BBX: variants seen among roughly 807,000 people sequenced by gnomAD.
BBX encodes HMG box transcription factor BBX.
Under a neutral mutation model 100.2 loss-of-function variants are expected in BBX, and 30 were observed. That is an observed-to-expected ratio of 0.30 (90% CI 0.22 to 0.41). BBX has a LOEUF of 0.41. Ranked by LOEUF, BBX falls within the 10% of genes least tolerant of loss-of-function variation. The pLI is 1.00. For synonymous variants in BBX, 376 were observed against 388.1 expected, an observed-to-expected ratio of 0.97 and a Z score of 0.37; for missense variants, 1,023 against 1,129.8, an observed-to-expected ratio of 0.91 and a Z score of 1.35.
Position 107,806,033 on chromosome 3 carries a change from C to T in BBX, c.*576C>T, listed in dbSNP as rs1047734574. On this transcript the variant is annotated 3_prime_UTR_variant, in exon 18 of 18. Transcript: ENST00000325805. Reference sequence around the variant, plus strand: ...CAAGCAGCCTGGGCAGGCAGATGTACCATTGTTAGTGGTGTATGCTCGGCC... The same window carrying T: ...CAAGCAGCCTGGGCAGGCAGATGTATCATTGTTAGTGGTGTATGCTCGGCC... 3 of 151,512 alleles carry T rather than the reference C, an allele frequency of 2.0e-5. No individual in the cohort carries two copies. The highest frequency in any genetic ancestry group is 1.9e-4 in the East Asian group (1 of 5,152). 9.4% of individuals were successfully genotyped at this position (151,512 alleles called of 1,614,324 possible). A position where few individuals can be genotyped will look rare whatever the true frequency, so the allele number is the denominator to read the frequency against.
chr3:107,591,484 A>G (rs150918769), intron 2 of BBX, among the ~76,000 whole-genome samples: 2 of 152,120 alleles, frequency 1.3e-5, no homozygotes, highest in Non-Finnish European at 2.9e-5. Context: ...GAGATATTTT[A>G]TGTTGTGTTA....
chr3:107,722,557 T>C (rs1188133469), intron 5 of BBX, among the ~76,000 whole-genome samples: 1 of 151,996 alleles, frequency 6.6e-6, no homozygotes, highest in Non-Finnish European at 1.5e-5. Context: ...CTTTCAAATT[T>C]TCATTTATGA....
At chr3:107,682,632 T>A (rs1392800338) in intron 3 of BBX, among the ~76,000 whole-genome samples, 2 of 152,130 alleles carry the variant, frequency 1.3e-5, no homozygotes, top group African/African-American at 4.8e-5. Context: ...AATAGAAATT[T>A]AAAGTTCATT....
intron 2 of BBX, among the ~76,000 whole-genome samples, chr3:107,642,649 C>G (rs1292555882): frequency 6.6e-6 from 1 of 152,162 alleles, no homozygotes; most frequent in Non-Finnish European, 1.5e-5. Context: ...TACCTCCCCC[C>G]TTTTTAAGGT....
intron 1 of BBX, among the ~76,000 whole-genome samples, chr3:107,525,085 C>T (rs1251066305): frequency 6.7e-6 from 1 of 149,800 alleles, no homozygotes; most frequent in Non-Finnish European, 1.5e-5. Flanking sequence ...CCCGCCCCTG[C>T]GCGCCGCCGC....
intron 2 of BBX, among the ~76,000 whole-genome samples, chr3:107,532,019 C>T (rs1178063065): frequency 6.6e-6 from 1 of 151,940 alleles, no homozygotes; most frequent in Non-Finnish European, 1.5e-5. Context: ...ATAGTGAGAC[C>T]TTGCCTGTAC....
intron 8 of BBX, among the ~76,000 whole-genome samples, chr3:107,745,376 G>A (rs547257366): frequency 6.6e-6 from 1 of 152,138 alleles, no homozygotes; most frequent in South Asian, 2.1e-4. Context: ...CATTTGAATT[G>A]TCTTTGACTA....
chr3:107,749,993 G>T (rs983597425), intron 9 of BBX, among the ~76,000 whole-genome samples: 2 of 152,112 alleles, frequency 1.3e-5, no homozygotes, highest in Admixed American at 1.3e-4. Flanking sequence ...AAGCACTGGG[G>T]ACAGCTCTAA....
chr3:107,666,587 G>A (rs1414626926), intron 3 of BBX, among the ~76,000 whole-genome samples: 1 of 152,104 alleles, frequency 6.6e-6, no homozygotes, highest in African/African-American at 2.4e-5. Context: ...TTTTTTTTGA[G>A]ACGGAGTCTC....
At chr3:107,561,638 G>T (rs1473764832) in intron 2 of BBX, among the ~76,000 whole-genome samples, 1 of 152,000 alleles carries the variant, frequency 6.6e-6, no homozygotes, top group Admixed American at 6.6e-5. Flanking sequence ...TATATCATCC[G>T]TATATATTTT....
In BBX at chr3:107,773,337, C is replaced by T. The variant is rs1411356785; in HGVS notation, c.1616C>T (p.Ser539Leu). 1.9e-6 allele frequency: 3 copies of T among 1,613,958 alleles called. No individual in the cohort carries two copies. The African/African-American group carries it at 4.0e-5, about 22-fold the overall frequency. The change falls in exon 11 of 18, where the codon TCA (serine) becomes TTA (leucine). Residue 539 changes from serine (S) to leucine (L), a missense_variant. By Grantham distance (145) the Ser-to-Leu change is moderately radical. Transcript: ENST00000325805. The surrounding 1 kb of genome is among the most constrained non-coding windows in gnomAD (Gnocchi z 4.1). ...KKVKSREKKM[S>L]KEKSSDTTKE... ...GTGAAATCAAGAGAGAAGAAAATGT[C>T]AAAGGAGAAATCCTCAGACACCACC...
At chr3:107,595,251 G>A (rs576643179) in intron 2 of BBX, among the ~76,000 whole-genome samples, 126 of 152,320 alleles carry the variant, frequency 8.3e-4, no homozygotes, top group Middle Eastern at 3.4e-3. Context: ...TAATAGCAGA[G>A]TTGCACAGAG....
At chr3:107,665,428 T>C (rs914169179) in intron 3 of BBX, among the ~76,000 whole-genome samples, 18 of 152,126 alleles carry the variant, frequency 1.2e-4, no homozygotes, top group Non-Finnish European at 4.4e-5. Context: ...TATTCTATCT[T>C]CTAATTGAAA....
intron 4 of BBX, among the ~76,000 whole-genome samples, chr3:107,713,383 C>T (rs1033007410): frequency 6.6e-6 from 1 of 152,188 alleles, no homozygotes; most frequent in African/African-American, 2.4e-5. Flanking sequence ...CCTTAAAATA[C>T]AATCTAATGA....
intron 7 of BBX, among the ~76,000 whole-genome samples, chr3:107,744,237 A>C (rs752627130): frequency 2.6e-5 from 4 of 152,090 alleles, no homozygotes; most frequent in Non-Finnish European, 4.4e-5. Context: ...ACAATAAATA[A>C]ATATTTACAT....
chr3:107,580,924 C>A (rs944718745), intron 2 of BBX, among the ~76,000 whole-genome samples: 1 of 152,216 alleles, frequency 6.6e-6, no homozygotes, highest in Non-Finnish European at 1.5e-5. Flanking sequence ...AGCCGTCACA[C>A]CCAGCACAGT....
chr3:107,578,255 A>G (rs558066120), intron 2 of BBX, among the ~76,000 whole-genome samples: 2 of 152,266 alleles, frequency 1.3e-5, no homozygotes, highest in South Asian at 4.1e-4. Flanking sequence ...TAAGAGGGAG[A>G]CATGGGGGGA....
chr3:107,674,324 G>A (rs76444380), intron 3 of BBX, among the ~76,000 whole-genome samples: 3,100 of 152,162 alleles, frequency 0.02, 56 homozygotes, highest in Non-Finnish European at 0.029. Context: ...CACATTGTAG[G>A]ATTCCTAAGT....
intron 6 of BBX, among the ~76,000 whole-genome samples, chr3:107,730,569 G>T (rs1293605691): frequency 6.6e-6 from 1 of 150,670 alleles, no homozygotes; most frequent in African/African-American, 2.4e-5. Flanking sequence ...AGCTATGAAA[G>T]ATATCTTTTT....
Sources: gnomAD v4.1 joint callset for allele counts (sites outside exome capture counted in the v4.1 genomes callset) on GRCh38, gnomAD v4.1.1 for gene constraint, Gnocchi (gnomAD v3.1) non-coding constraint, MANE v1.5 for transcripts, NCBI Gene and HGNC (gene_info 2026-07-23, HGNC 2026-07-21) for gene names.